SH3KBP1: variants seen among roughly 807,000 people sequenced by gnomAD.
SH3KBP1 encodes the protein SH3 domain-containing kinase-binding protein 1.
A neutral mutation model predicts 50.1 loss-of-function variants in SH3KBP1; 8 were observed. The ratio of observed to expected loss-of-function variants is 0.16; its 90% CI spans 0.09 to 0.29. The LOEUF is 0.29. SH3KBP1 is among the 10% of genes least tolerant of loss of function. The probability of loss-of-function intolerance (pLI) is 1.00; values close to 1 mark genes in which losing one functional copy is unlikely to be tolerated. For synonymous variants in SH3KBP1, 227 were observed against 218.6 expected, an observed-to-expected ratio of 1.04 and a Z score of -0.34; for missense variants, 377 against 535.2, an observed-to-expected ratio of 0.70 and a Z score of 2.92.
intron 2 of SH3KBP1, among the ~76,000 whole-genome samples, chrX:19,750,701 C>G (rs980010756): frequency 1.8e-5 from 2 of 111,335 alleles, no homozygotes; most frequent in African/African-American, 3.3e-5. Flanking sequence ...TCATGGATTC[C>G]TATCCACAGG....
chrX:19,603,761 C>T (rs2067161614), intron 9 of SH3KBP1, among the ~76,000 whole-genome samples: 1 of 111,932 alleles, frequency 8.9e-6, no homozygotes, highest in Non-Finnish European at 1.9e-5. Context: ...GATCACAGCA[C>T]ACTGCAGCCT....
chrX:19,690,958 T>C (rs1428904856), intron 5 of SH3KBP1, among the ~76,000 whole-genome samples: 1 of 111,946 alleles, frequency 8.9e-6, no homozygotes, highest in Admixed American at 9.5e-5. Context: ...GGCTTCAGTG[T>C]TCTCATCTGA....
intron 1 of SH3KBP1, among the ~76,000 whole-genome samples, chrX:19,838,489 T>C (rs180852727): frequency 2.7e-5 from 3 of 112,592 alleles, no homozygotes; most frequent in Non-Finnish European, 5.6e-5. Flanking sequence ...CTTATGGCTA[T>C]GACCCCTTCT....
At chrX:19,647,276 GAAA>G (rs56336116) in intron 6 of SH3KBP1, among the ~76,000 whole-genome samples, 2 of 87,886 alleles carry the variant, frequency 2.3e-5, no homozygotes, top group Non-Finnish European at 2.3e-5. Flanking sequence ...TTGCTTCCCT[GAAA>G]AAAAAAAAAA....
intron 1 of SH3KBP1, among the ~76,000 whole-genome samples, chrX:19,873,290 G>A (rs371453452): frequency 0.051 from 3,662 of 71,189 alleles, 165 homozygotes; most frequent in African/African-American, 0.14. Context: ...ATATATATAT[G>A]TATATATATA....
chrX:19,573,287 CTTTTA>C (rs1412763470), intron 12 of SH3KBP1, among the ~76,000 whole-genome samples: 3 of 111,057 alleles, frequency 2.7e-5, no homozygotes, highest in Non-Finnish European at 5.7e-5. Flanking sequence ...TTAAAGTTTA[CTTTTA>C]TTTTATTTTC....
At chrX:19,641,126 C>T (rs918728482) in intron 7 of SH3KBP1, among the ~76,000 whole-genome samples, 2 of 111,617 alleles carry the variant, frequency 1.8e-5, no homozygotes, top group Non-Finnish European at 3.8e-5. Flanking sequence ...TTGTTCAAGA[C>T]GCCAAGAACC....
intron 6 of SH3KBP1, among the ~76,000 whole-genome samples, chrX:19,648,691 C>T (rs934038989): frequency 2.7e-5 from 3 of 110,632 alleles, no homozygotes; most frequent in African/African-American, 3.3e-5. Context: ...CTGGCTCACA[C>T]ATTAAAGGAC....
intron 2 of SH3KBP1, among the ~76,000 whole-genome samples, chrX:19,765,202 C>G (rs2065565456): frequency 9.1e-6 from 1 of 110,019 alleles, no homozygotes; most frequent in Admixed American, 9.7e-5. Context: ...CCTCTCTGAA[C>G]TGAATAGTCC....
chrX:19,642,930 G>C (rs1381655134), intron 7 of SH3KBP1, among the ~76,000 whole-genome samples: 1 of 111,147 alleles, frequency 9.0e-6, no homozygotes, highest in Non-Finnish European at 1.9e-5. Flanking sequence ...TCTTAACCCT[G>C]ATGTGAGCTA....
intron 3 of SH3KBP1, among the ~76,000 whole-genome samples, chrX:19,719,460 G>C (rs1044706572): frequency 9.0e-5 from 10 of 111,561 alleles, no homozygotes; most frequent in African/African-American, 3.3e-4. Flanking sequence ...ATAGTCAAAG[G>C]GGCCATCCAT....
At chrX:19,775,319 T>C (rs1480048209) in intron 2 of SH3KBP1, among the ~76,000 whole-genome samples, 1 of 112,174 alleles carries the variant, frequency 8.9e-6, no homozygotes, top group African/African-American at 3.2e-5. Context: ...GTTTCTCATC[T>C]CAAATGTTCA....
Position 19,670,284 on chromosome X carries a change from T to G in SH3KBP1, c.726+13539A>C, listed in dbSNP as rs112438122. 8.6e-4 allele frequency: 591 copies of G among 688,228 alleles called. 6 individuals are homozygous for G. In the African/African-American group the frequency reaches 0.013, roughly 15 times the overall value. The allele number at this position is 688,228 out of a possible 1,213,427, so 56.7% of individuals were successfully genotyped here. ...CTTTACCCCATCATAAAAAAAGCAG[T>G]TCAATAGCACCCAGAAGTCACTACT... On this transcript the variant is annotated intron_variant, in intron 6 of 17. Coordinates refer to ENST00000397821, the MANE Select transcript of SH3KBP1 (RefSeq NM_031892.3).
At chrX:19,602,766 A>G (rs2067127722) in intron 9 of SH3KBP1, among the ~76,000 whole-genome samples, 1 of 112,188 alleles carries the variant, frequency 8.9e-6, no homozygotes, top group Admixed American at 9.5e-5. Flanking sequence ...GCTAAAGGAC[A>G]TGATGAATAA....
At chrX:19,538,162 T>C (rs1345729632) in intron 16 of SH3KBP1, among the ~76,000 whole-genome samples, 5 of 111,703 alleles carry the variant, frequency 4.5e-5, no homozygotes, top group African/African-American at 1.6e-4. Context: ...ATCTTCCCCA[T>C]AACCATTCCT....
Position 19,594,967 on chromosome X carries a change from C to T in SH3KBP1, c.1039G>A (p.Val347Ile), listed in dbSNP as rs376122603. The T allele has an allele frequency of 1.6e-5, 19 of 1,201,399 alleles. No homozygotes were observed. The African/African-American group carries it at 2.8e-4, about 18-fold the overall frequency. The change falls in exon 10 of 18, where the codon GTC (valine) becomes ATC (isoleucine). Residue 347 changes from valine to isoleucine, a missense_variant. This residue lies in a region of SH3KBP1 where 257 missense variants were observed against 374.2 expected (regional missense o/e 0.69). Transcript: ENST00000397821. The stretch of plus-strand genomic sequence containing the variant: ...ACATTACCTGCCCCTTGTTTGATGA[C>T]AGGAGCGGATGGAGGCGGTGGCTTC... Reference protein sequence around the residue: ...PKKPPPPSAPVIKQGAGTTER... With the variant: ...PKKPPPPSAPIIKQGAGTTER...
chrX:19,562,105 C>T (rs1181800123), intron 13 of SH3KBP1, among the ~76,000 whole-genome samples: 3 of 111,391 alleles, frequency 2.7e-5, no homozygotes, highest in Non-Finnish European at 3.8e-5. Flanking sequence ...CCAAGGTTTC[C>T]AGAACATGCT....
intron 2 of SH3KBP1, 127 bp downstream of exon 2, chrX:19,835,998 T>G (rs2068047529): frequency 4.8e-6 from 3 of 625,562 alleles, no homozygotes; most frequent in Middle Eastern, 1.0e-3. Context: ...ATGCTTCTCT[T>G]GATATCACAG....
At chrX:19,725,292 T>TAAA (rs5901663) in intron 3 of SH3KBP1, among the ~76,000 whole-genome samples, 78 of 73,343 alleles carry the variant, frequency 1.1e-3, no homozygotes, top group African/African-American at 4.1e-3. Context: ...GTCTCTACTC[T>TAAA]AAAAAAAAAA....
Sources: allele counts gnomAD v4.1 joint callset (sites outside exome capture counted in the v4.1 genomes callset), GRCh38; gene constraint gnomAD v4.1.1; regional missense constraint gnomAD v4.1.1; transcripts MANE v1.5; gene names NCBI Gene and HGNC (gene_info 2026-07-23, HGNC 2026-07-21).